The following CTNNBL1 variants were observed in gnomAD, a reference collection of about 807,000 sequenced individuals.
CTNNBL1 encodes catenin beta like 1.
CTNNBL1 carries 31 observed loss-of-function variants against 72.7 expected under a neutral mutation model. The ratio of observed to expected loss-of-function variants is 0.43; its 90% CI spans 0.32 to 0.58. CTNNBL1 has a LOEUF of 0.58. Among genes scored for constraint, CTNNBL1 ranks in the 20% least tolerant of loss-of-function variants. CTNNBL1 has a pLI of 0.08. For synonymous variants in CTNNBL1, 240 were observed against 267.3 expected (o/e 0.90, Z 1.00); for missense variants, 534 against 725.1 (o/e 0.74, Z 3.03).
rs182502148 is a variant in CTNNBL1 at position 37,754,908 on chromosome 20, A to G, written c.467-2651A>G. On this transcript the variant is annotated intron_variant, in intron 4 of 15. Transcript: ENST00000361383. ...TTGCAGCCTCCAACTCCTGGGTTCAAACAATTCTCCTGCCTCAGCCTCCTG... is the reference window on the plus strand; with the variant it reads ...TTGCAGCCTCCAACTCCTGGGTTCAGACAATTCTCCTGCCTCAGCCTCCTG... Among the ~76,000 whole-genome samples, 275 of 152,150 alleles carry G rather than the reference A, an allele frequency of 1.8e-3. 1 individual carries two copies. Among genetic ancestry groups the G allele is most frequent in the Non-Finnish European group, 3.2e-3 (217 of 67,986 alleles).
At chr20:37,762,324 G>A (rs2122655477) in intron 5 of CTNNBL1, among the ~76,000 whole-genome samples, 4 of 152,276 alleles carry the variant, frequency 2.6e-5, no homozygotes, top group Middle Eastern at 6.8e-3. Flanking sequence ...TCATTCTTGA[G>A]AAAGCTTATT....
At chr20:37,775,119 A>C (rs1283492391) in intron 7 of CTNNBL1, among the ~76,000 whole-genome samples, 1 of 152,178 alleles carries the variant, frequency 6.6e-6, no homozygotes, top group Non-Finnish European at 1.5e-5. Flanking sequence ...GTTATGTCCA[A>C]ACCATTTAAT....
intron 1 of CTNNBL1, among the ~76,000 whole-genome samples, chr20:37,697,732 A>G (rs2072806295): frequency 6.6e-6 from 1 of 152,150 alleles, no homozygotes; most frequent in African/African-American, 2.4e-5. Flanking sequence ...TGGTCTCCTT[A>G]TTATTATTTT....
rs186599291 is a variant in CTNNBL1, at chr20:37,772,035, C to T, written c.750+3991C>T. 7.3e-4 allele frequency among the ~76,000 whole-genome samples: 111 copies of T among 152,240 alleles called. 1 individual carries two copies. The South Asian group carries it at 0.012, about 17-fold the overall frequency. ...GCCTATCTGGGTTCTAGCATCTACC[C>T]GTAACTGTGTGATGCTCGCCCTCAT... On this transcript the variant is annotated intron_variant, in intron 7 of 15. Coordinates refer to ENST00000361383, the MANE Select transcript of CTNNBL1 (RefSeq NM_030877.5).
chr20:37,856,418 C>T (rs982072623), intron 13 of CTNNBL1, among the ~76,000 whole-genome samples: 4 of 151,908 alleles, frequency 2.6e-5, no homozygotes, highest in African/African-American at 9.7e-5. Flanking sequence ...CATATCTGCT[C>T]GGGGTTCTCA....
intron 1 of CTNNBL1, among the ~76,000 whole-genome samples, chr20:37,697,214 G>A (rs1384626772): frequency 6.6e-6 from 1 of 152,050 alleles, no homozygotes; most frequent in Non-Finnish European, 1.5e-5. Context: ...AAAATGTAAA[G>A]TTAGGTGTTT....
chr20:37,736,528 G>A (rs1271636214), intron 2 of CTNNBL1, among the ~76,000 whole-genome samples: 4 of 152,092 alleles, frequency 2.6e-5, no homozygotes, highest in Non-Finnish European at 4.4e-5. Flanking sequence ...TGTTGAATGA[G>A]TGAGTCTTTA....
intron 1 of CTNNBL1, among the ~76,000 whole-genome samples, chr20:37,719,310 G>A (rs934819793): frequency 6.6e-5 from 10 of 152,112 alleles, no homozygotes; most frequent in African/African-American, 2.4e-4. Flanking sequence ...TGATTTCATT[G>A]GTTTAACTTG....
At position 37,732,910 on chromosome 20, in the gene CTNNBL1, A is replaced by G. The variant is rs1159500027; in HGVS notation, c.62A>G (p.Asp21Gly). 2.5e-6 allele frequency: 4 copies of G among 1,613,848 alleles called. No homozygotes were observed. The African/African-American group carries it at 5.3e-5, about 22-fold the overall frequency. The change falls in exon 2 of 16, where the codon GAT (aspartate) becomes GGT (glycine). Residue 21 changes from aspartate (D) to glycine (G), a missense_variant. By Grantham distance (94) the Asp-to-Gly change is moderately conservative. Coordinates refer to ENST00000361383, the MANE Select transcript of CTNNBL1 (RefSeq NM_030877.5). Reference protein sequence around the residue: ...PNRGTKRPRDDEEEEQKMRRK... With the variant: ...PNRGTKRPRDGEEEEQKMRRK... ...AGGGGCACAAAACGTCCCCGGGATG[A>G]TGAAGAGGAGGAGCAGAAGATGCGT...
chr20:37,721,890 G>A (rs999979998), intron 1 of CTNNBL1, among the ~76,000 whole-genome samples: 17 of 152,136 alleles, frequency 1.1e-4, no homozygotes, highest in East Asian at 1.9e-4. Context: ...TGGGATAGTC[G>A]TAGAATATAT....
At chr20:37,851,997 A>G (rs2072400960) in intron 13 of CTNNBL1, among the ~76,000 whole-genome samples, 2 of 152,198 alleles carry the variant, frequency 1.3e-5, no homozygotes, top group African/African-American at 2.4e-5. Flanking sequence ...TGTTGTACAT[A>G]CCCAACACAG....
At chr20:37,741,405 T>C (rs2073214954) in intron 3 of CTNNBL1, among the ~76,000 whole-genome samples, 1 of 152,218 alleles carries the variant, frequency 6.6e-6, no homozygotes, top group Admixed American at 6.5e-5. Context: ...TTAGGCACTG[T>C]ATATATATTA....
intron 12 of CTNNBL1, among the ~76,000 whole-genome samples, chr20:37,840,631 GGGTCA>G (rs1369386809): frequency 1.3e-5 from 2 of 152,238 alleles, no homozygotes; most frequent in African/African-American, 2.4e-5. Context: ...TCATCTTGAA[GGGTCA>G]GTGGGAGGTG....
At chr20:37,725,654 GTT>G (rs2073078440) in intron 1 of CTNNBL1, among the ~76,000 whole-genome samples, 1 of 150,500 alleles carries the variant, frequency 6.6e-6, no homozygotes, top group African/African-American at 2.4e-5. Flanking sequence ...TCAGTGTGTT[GTT>G]TTCTATGGGC....
At chr20:37,843,821 G>A (rs1448089879) in intron 13 of CTNNBL1, among the ~76,000 whole-genome samples, 2 of 152,184 alleles carry the variant, frequency 1.3e-5, no homozygotes, top group African/African-American at 2.4e-5. Context: ...TCCCTAAACT[G>A]AGTAAGTCCT....
intron 4 of CTNNBL1, chr20:37,757,022 A>G (rs2073371310): frequency 6.6e-6 from 1 of 152,252 alleles, no homozygotes; most frequent in South Asian, 2.1e-4. Flanking sequence ...TATTCACAGC[A>G]GTGTGACATT....
intron 11 of CTNNBL1, among the ~76,000 whole-genome samples, chr20:37,830,328 A>AT (rs1008208558): frequency 2.6e-5 from 4 of 152,160 alleles, no homozygotes; most frequent in African/African-American, 9.7e-5. Context: ...TCTTATACCT[A>AT]TTTTGTCAGT....
In CTNNBL1 at chr20:37,843,401, C is replaced by T. The variant is rs146282782; in HGVS notation, c.1392+982C>T. 2.7e-4 allele frequency among the ~76,000 whole-genome samples: 41 copies of T among 152,348 alleles called. 1 individual carries two copies. The East Asian group carries it at 6.6e-3, about 24-fold the overall frequency. On this transcript the variant is annotated intron_variant, in intron 13 of 15. Coordinates refer to ENST00000361383, the MANE Select transcript of CTNNBL1 (RefSeq NM_030877.5). ...GTTGGGATCATCCAGCTAAGGCTAC[C>T]GTGTTGCACTGGGAATTACACCAGC...
chr20:37,835,262 A>G (rs1264889750), intron 11 of CTNNBL1, among the ~76,000 whole-genome samples: 1 of 152,212 alleles, frequency 6.6e-6, no homozygotes, highest in African/African-American at 2.4e-5. Context: ...CAACCTGCAG[A>G]TAACAGATCA....
Sources: allele counts gnomAD v4.1 joint callset (sites outside exome capture counted in the v4.1 genomes callset), GRCh38; gene constraint gnomAD v4.1.1; transcripts MANE v1.5; gene names NCBI Gene and HGNC (gene_info 2026-07-23, HGNC 2026-07-21).